The following DNER variants were observed in gnomAD, a reference collection of about 807,000 sequenced individuals.
DNER encodes the protein delta and Notch-like epidermal growth factor-related receptor.
DNER carries 33 observed loss-of-function variants against 78.2 expected under a neutral mutation model. The ratio of observed to expected loss-of-function variants is 0.42; its 90% CI spans 0.32 to 0.56. DNER has a LOEUF of 0.56. Among genes scored for constraint, DNER ranks in the 20% least tolerant of loss-of-function variants. DNER has a pLI of 0.11. For missense variants in DNER, 918 were observed against 975.3 expected, an observed-to-expected ratio of 0.94 and a Z score of 0.78; for synonymous variants, 417 against 384.8, an observed-to-expected ratio of 1.08 and a Z score of -0.98.
intron 5 of DNER, among the ~76,000 whole-genome samples, chr2:229,516,156 A>G (rs1024717786): frequency 6.6e-6 from 1 of 152,356 alleles, no homozygotes; most frequent in East Asian, 1.9e-4. Context: ...ATAAAATTTT[A>G]GTTAAATATT....
rs1164469416 is a variant in DNER at position 229,714,352 on chromosome 2, G to A, written c.72C>T (p.Leu24=). 6 of 1,238,876 alleles carry A rather than the reference G, an allele frequency of 4.8e-6. No homozygotes were observed. The highest frequency in any genetic ancestry group is 6.0e-6 in the Non-Finnish European group (6 of 995,336). 76.7% of individuals were successfully genotyped at this position (1,238,876 alleles called of 1,614,324 possible). ...LPALALLLLL[L]GAGPRGSSLA... ...GGGAGCTGCCTCGGGGCCCCGCTCC[G>A]AGCAGCAGCAGCAGCAGGGCCAGCG... Residue 24 remains leucine (L), a synonymous_variant, in exon 1 of 13, where the codon CTC becomes CTT. Coordinates refer to ENST00000341772, the MANE Select transcript of DNER (RefSeq NM_139072.4).
intron 4 of DNER, among the ~76,000 whole-genome samples, chr2:229,564,745 T>C (rs757610991): frequency 6.6e-6 from 1 of 151,864 alleles, no homozygotes; most frequent in Non-Finnish European, 1.5e-5. Flanking sequence ...ATCATCATCA[T>C]CACCAGCAAC....
rs143030600 is a variant in DNER at position 229,361,787 on chromosome 2, T to C, written c.2103-3136A>G. Among the ~76,000 whole-genome samples the C allele has an allele frequency of 2.6e-5, 4 of 152,172 alleles. No individual in the cohort carries two copies. In the East Asian group the frequency reaches 7.7e-4, roughly 29 times the overall value. ...TGAGAAAATACTCTGAATACTGTATTGAGACTGACTTTTTTCAATCGATAG... is the reference window on the plus strand; with the variant it reads ...TGAGAAAATACTCTGAATACTGTATCGAGACTGACTTTTTTCAATCGATAG... On this transcript the variant is annotated intron_variant, in intron 12 of 12. Coordinates refer to ENST00000341772, the MANE Select transcript of DNER (RefSeq NM_139072.4).
intron 1 of DNER, among the ~76,000 whole-genome samples, chr2:229,615,631 G>T (rs186673439): frequency 6.6e-6 from 1 of 152,142 alleles, no homozygotes; most frequent in Non-Finnish European, 1.5e-5. Context: ...AGAATGGTGT[G>T]AACCCAGGAG....
intron 6 of DNER, among the ~76,000 whole-genome samples, chr2:229,491,862 C>A (rs1349299144): frequency 6.6e-6 from 1 of 152,046 alleles, no homozygotes; most frequent in Non-Finnish European, 1.5e-5. Context: ...GAATCACATC[C>A]ATGATCTCTT....
intron 3 of DNER, among the ~76,000 whole-genome samples, chr2:229,587,928 G>A (rs753004056): frequency 5.3e-5 from 8 of 151,826 alleles, no homozygotes; most frequent in South Asian, 4.2e-4. Flanking sequence ...CTCTTTGTAC[G>A]CTTGCTTTTA....
intron 9 of DNER, among the ~76,000 whole-genome samples, chr2:229,413,800 A>C (rs1693583421): frequency 1.3e-5 from 2 of 151,042 alleles, no homozygotes; most frequent in African/African-American, 4.8e-5. Context: ...TTTAAAAAAT[A>C]TCAATATTAA....
At chr2:229,537,667 C>A (rs1277349103) in intron 5 of DNER, among the ~76,000 whole-genome samples, 1 of 152,166 alleles carries the variant, frequency 6.6e-6, no homozygotes, top group South Asian at 2.1e-4. Flanking sequence ...TAACTGTCCG[C>A]ATGGGACATA....
chr2:229,409,676 GTTAATTTTCT>G (rs1211433761), intron 9 of DNER, among the ~76,000 whole-genome samples: 1 of 152,064 alleles, frequency 6.6e-6, no homozygotes, highest in Non-Finnish European at 1.5e-5. Context: ...TTTTTCCCTT[GTTAATTTTCT>G]TTTTCAAATG....
chr2:229,543,994 C>A (rs576021240), intron 5 of DNER, among the ~76,000 whole-genome samples: 1 of 152,094 alleles, frequency 6.6e-6, no homozygotes. Flanking sequence ...CACAACTATA[C>A]ACACACGCCA....
At chr2:229,674,923 T>C (rs1699277139) in intron 1 of DNER, among the ~76,000 whole-genome samples, 1 of 152,214 alleles carries the variant, frequency 6.6e-6, no homozygotes, top group African/African-American at 2.4e-5. Context: ...ACCAGGGAGC[T>C]GGAAGATGTC....
At chr2:229,475,729 T>C (rs1207088910) in intron 7 of DNER, among the ~76,000 whole-genome samples, 1 of 152,162 alleles carries the variant, frequency 6.6e-6, no homozygotes, top group Non-Finnish European at 1.5e-5. Context: ...ATTACCCCCA[T>C]CTGAACTTCC....
intron 1 of DNER, among the ~76,000 whole-genome samples, chr2:229,656,732 T>A (rs538918918): frequency 6.6e-5 from 10 of 152,216 alleles, no homozygotes; most frequent in African/African-American, 2.4e-4. Context: ...ACAGGAGGAG[T>A]TTAATTTCAG....
intron 11 of DNER, among the ~76,000 whole-genome samples, chr2:229,374,735 T>C (rs536345916): frequency 5.9e-5 from 9 of 152,224 alleles, no homozygotes; most frequent in South Asian, 4.2e-4. Flanking sequence ...CAATAAGGAA[T>C]GTTTTGCAAA....
intron 10 of DNER, among the ~76,000 whole-genome samples, chr2:229,390,102 AAGTATATATGTC>A (rs1692982898): frequency 1.3e-5 from 2 of 152,374 alleles, no homozygotes; most frequent in South Asian, 4.1e-4. Context: ...AGACCTTAAC[AAGTATATATGTC>A]AGTACTAATT....
chr2:229,458,376 A>G (rs1363525153), intron 7 of DNER, among the ~76,000 whole-genome samples: 2 of 151,946 alleles, frequency 1.3e-5, no homozygotes, highest in Admixed American at 1.3e-4. Context: ...AATACATGAA[A>G]GAAAAACTGC....
intron 3 of DNER, among the ~76,000 whole-genome samples, 162 bp downstream of exon 3, chr2:229,588,232 G>A (rs962337787): frequency 2.0e-5 from 3 of 152,144 alleles, no homozygotes; most frequent in Admixed American, 6.5e-5. Flanking sequence ...CTCTGAAATC[G>A]CTTCCTCTAG....
intron 1 of DNER, among the ~76,000 whole-genome samples, chr2:229,625,699 G>A (rs1288880982): frequency 2.0e-5 from 3 of 152,180 alleles, no homozygotes; most frequent in Non-Finnish European, 4.4e-5. Context: ...ATGAAGAGGA[G>A]AGCATAGGGG....
chr2:229,673,869 C>T (rs569978488), intron 1 of DNER, among the ~76,000 whole-genome samples: 8 of 152,372 alleles, frequency 5.3e-5, no homozygotes, highest in African/African-American at 1.9e-4. Flanking sequence ...CACAAAGACT[C>T]ATACCCAGCT....
Sources: gnomAD v4.1 joint callset for allele counts (sites outside exome capture counted in the v4.1 genomes callset) on GRCh38, gnomAD v4.1.1 for gene constraint, MANE v1.5 for transcripts, NCBI Gene and HGNC (gene_info 2026-07-23, HGNC 2026-07-21) for gene names.